The following MAMDC2 variants were observed in gnomAD, a reference collection of about 807,000 sequenced individuals.
The protein encoded by MAMDC2 is MAM domain-containing protein 2.
A neutral mutation model predicts 89.8 loss-of-function variants in MAMDC2; 57 were observed. That is an observed-to-expected ratio of 0.63 (90% CI 0.51 to 0.79). The LOEUF (loss-of-function observed/expected upper bound fraction) is 0.79. MAMDC2 is among the 30% of genes least tolerant of loss of function. MAMDC2 has a pLI of 0.00. For synonymous variants in MAMDC2, 313 were observed against 293.4 expected (o/e 1.07, Z -0.68); for missense variants, 800 against 820.6 (o/e 0.97, Z 0.31).
At chr9:70,092,208 T>A (rs1271561795) in intron 2 of MAMDC2, 1 of 152,128 alleles carries the variant, frequency 6.6e-6, no homozygotes, top group Non-Finnish European at 1.5e-5. Context: ...AGTAAGCAGA[T>A]AAGAAGAGTG....
Position 70,158,754 on chromosome 9 carries a change from C to A in MAMDC2, c.1405-9948C>A, listed in dbSNP as rs1362405618. Among the ~76,000 whole-genome samples, 3 of 152,082 alleles carry A rather than the reference C, an allele frequency of 2.0e-5. No individual in the cohort carries two copies. The East Asian group carries it at 5.8e-4, about 29-fold the overall frequency. ...GTGAGGATATCATAGAATATTTATACAAACCTAGATGGTATAGCCTACTAC... is the reference window on the plus strand; with the variant it reads ...GTGAGGATATCATAGAATATTTATAAAAACCTAGATGGTATAGCCTACTAC... On this transcript the variant is annotated intron_variant, in intron 9 of 13. Coordinates refer to ENST00000377182, the MANE Select transcript of MAMDC2 (RefSeq NM_153267.5).
At chr9:70,187,609 A>G (rs1053832440) in intron 11 of MAMDC2, among the ~76,000 whole-genome samples, 4 of 152,070 alleles carry the variant, frequency 2.6e-5, no homozygotes, top group Non-Finnish European at 5.9e-5. Context: ...AGTCACTCCC[A>G]TTCCCTTTCC....
chr9:70,101,355 A>G (rs1828189967), intron 2 of MAMDC2, among the ~76,000 whole-genome samples: 1 of 149,650 alleles, frequency 6.7e-6, no homozygotes, highest in Non-Finnish European at 1.5e-5. Context: ...ATTATTGAAA[A>G]AAGAAAAATA....
At chr9:70,166,046 G>T (rs2032159410) in intron 9 of MAMDC2, among the ~76,000 whole-genome samples, 1 of 152,042 alleles carries the variant, frequency 6.6e-6, no homozygotes, top group African/African-American at 2.4e-5. Flanking sequence ...TTCGAGACCA[G>T]CCTGGCCAAC....
intron 9 of MAMDC2, among the ~76,000 whole-genome samples, chr9:70,147,254 T>C (rs956004242): frequency 2.0e-5 from 3 of 150,302 alleles, no homozygotes; most frequent in African/African-American, 7.4e-5. Flanking sequence ...CAAGATTCCA[T>C]CTCAAAAAAT....
intron 2 of MAMDC2, among the ~76,000 whole-genome samples, chr9:70,076,909 C>T (rs971525001): frequency 3.3e-5 from 5 of 152,164 alleles, no homozygotes; most frequent in Admixed American, 6.5e-5. Context: ...CAGCACAGAG[C>T]GTTCCCTTGG....
intron 11 of MAMDC2, among the ~76,000 whole-genome samples, chr9:70,189,150 AT>A (rs1223368222): frequency 1.3e-5 from 2 of 152,118 alleles, no homozygotes; most frequent in East Asian, 3.9e-4. Flanking sequence ...AGTTATCTTT[AT>A]TGGTACTTTT....
chr9:70,221,356 AATATAT>A (rs1215738162), intron 12 of MAMDC2, among the ~76,000 whole-genome samples: 3 of 9,420 alleles, frequency 3.2e-4, no homozygotes, highest in Admixed American at 2.5e-3. Context: ...CCAAACAACA[AATATAT>A]ATATATATAT....
intron 11 of MAMDC2, among the ~76,000 whole-genome samples, chr9:70,213,347 G>A (rs1261950043): frequency 1.3e-5 from 2 of 152,078 alleles, no homozygotes; most frequent in Non-Finnish European, 2.9e-5. Context: ...CTTTACTTTG[G>A]ATTCAGGTGG....
intron 12 of MAMDC2, among the ~76,000 whole-genome samples, chr9:70,221,602 A>G (rs1051069190): frequency 5.3e-5 from 8 of 151,450 alleles, no homozygotes. Context: ...TACAGTCAAT[A>G]ATGTATTGTA....
intron 2 of MAMDC2, among the ~76,000 whole-genome samples, chr9:70,060,023 G>A (rs918550607): frequency 6.6e-6 from 1 of 152,148 alleles, no homozygotes; most frequent in Non-Finnish European, 1.5e-5. Context: ...AGCTAAGATC[G>A]ACCTTAAGTT....
chr9:70,223,849 T>G (rs1318963568), intron 12 of MAMDC2, among the ~76,000 whole-genome samples: 3 of 152,160 alleles, frequency 2.0e-5, no homozygotes, highest in South Asian at 4.1e-4. Context: ...CTATTGTCAA[T>G]GTAGAAAAAG....
At chr9:70,168,307 C>G (rs2032230218) in intron 9 of MAMDC2, among the ~76,000 whole-genome samples, 1 of 152,154 alleles carries the variant, frequency 6.6e-6, no homozygotes, top group Non-Finnish European at 1.5e-5. Flanking sequence ...GCCTGGCCAA[C>G]ATGGTGAAAC....
chr9:70,046,769 G>T (rs1239359131), intron 2 of MAMDC2, among the ~76,000 whole-genome samples: 1 of 152,236 alleles, frequency 6.6e-6, no homozygotes, highest in East Asian at 1.9e-4. Flanking sequence ...ACTGCTTTCT[G>T]GCTCAGGACT....
chr9:70,094,917 A>C (rs1456415225), intron 2 of MAMDC2, among the ~76,000 whole-genome samples: 1 of 152,258 alleles, frequency 6.6e-6, no homozygotes, highest in Non-Finnish European at 1.5e-5. Context: ...AAACAGGTCC[A>C]CCATGTACAG....
chr9:70,054,672 AAG>A (rs1826988112), intron 2 of MAMDC2, among the ~76,000 whole-genome samples: 2 of 152,040 alleles, frequency 1.3e-5, no homozygotes, highest in African/African-American at 4.8e-5. Context: ...GAAGATTGAA[AAG>A]AGGGGGGCTT....
chr9:70,169,435 C>T (rs936122123), intron 10 of MAMDC2, among the ~76,000 whole-genome samples: 4 of 152,252 alleles, frequency 2.6e-5, no homozygotes, highest in East Asian at 3.9e-4. Context: ...ACAGGCAAAT[C>T]GTGGTATCAG....
intron 9 of MAMDC2, among the ~76,000 whole-genome samples, chr9:70,149,046 T>A (rs1300200962): frequency 3.7e-4 from 3 of 8,106 alleles, no homozygotes; most frequent in Non-Finnish European, 3.2e-4. Context: ...AAAAAAAAAA[T>A]TTTTTTTTTT....
intron 5 of MAMDC2, among the ~76,000 whole-genome samples, chr9:70,119,238 T>G (rs1370774275): frequency 6.6e-6 from 1 of 151,918 alleles, no homozygotes; most frequent in Non-Finnish European, 1.5e-5. Flanking sequence ...TGCATCTCTT[T>G]GCTAAGATTT....
Sources: allele counts gnomAD v4.1 joint callset (sites outside exome capture counted in the v4.1 genomes callset), GRCh38; gene constraint gnomAD v4.1.1; transcripts MANE v1.5; gene names NCBI Gene and HGNC (gene_info 2026-07-23, HGNC 2026-07-21).